Variants in DNM3 observed in about 807,000 individuals in gnomAD.
DNM3 encodes dynamin 3, also known as dynamin-3.
In DNM3, 47 loss-of-function variants were observed where a neutral mutation model predicts 101.6. That is an observed-to-expected ratio of 0.46 (90% CI 0.37 to 0.59). The LOEUF is 0.59. Ranked by LOEUF, DNM3 falls within the 20% of genes least tolerant of loss-of-function variation. The pLI is 0.00. For synonymous variants in DNM3, 385 were observed against 387.9 expected (o/e 0.99, Z 0.09); for missense variants, 849 against 1,085.7 (o/e 0.78, Z 3.06).
At chr1:172,394,793 C>A (rs1266501865) in intron 20 of DNM3, among the ~76,000 whole-genome samples, 1 of 152,142 alleles carries the variant, frequency 6.6e-6, no homozygotes, top group Non-Finnish European at 1.5e-5. Flanking sequence ...TTCCTGCAAC[C>A]AGTCAGTAGC....
At chr1:171,999,190 G>A (rs141773329) in intron 4 of DNM3, among the ~76,000 whole-genome samples, 3 of 152,050 alleles carry the variant, frequency 2.0e-5, no homozygotes, top group African/African-American at 4.8e-5. Flanking sequence ...GGTCCAGTAG[G>A]GGGTGAGGTG....
chr1:172,022,896 A>G (rs1160069948), intron 4 of DNM3, among the ~76,000 whole-genome samples: 1 of 152,142 alleles, frequency 6.6e-6, no homozygotes. Flanking sequence ...TAAAAGAATC[A>G]TATTTTGCTG....
At chr1:172,143,717 A>T (rs185505781) in intron 14 of DNM3, among the ~76,000 whole-genome samples, 90 of 151,132 alleles carry the variant, frequency 6.0e-4, no homozygotes, top group African/African-American at 1.9e-3. Flanking sequence ...TCTTTGATTT[A>T]AAAAAAATGT....
intron 1 of DNM3, among the ~76,000 whole-genome samples, chr1:171,897,266 G>T (rs1406545353): frequency 6.6e-6 from 1 of 152,066 alleles, no homozygotes; most frequent in Non-Finnish European, 1.5e-5. Context: ...TGTCAAATCA[G>T]GTCATAGCAA....
chr1:172,374,050 T>C (rs781403926), intron 17 of DNM3, among the ~76,000 whole-genome samples: 3 of 152,112 alleles, frequency 2.0e-5, no homozygotes, highest in Non-Finnish European at 4.4e-5. Context: ...CTTTGGGACA[T>C]GTACGTGTTG....
chr1:171,863,243 G>T (rs1487330679), intron 1 of DNM3, among the ~76,000 whole-genome samples: 1 of 152,048 alleles, frequency 6.6e-6, no homozygotes, highest in Admixed American at 6.6e-5. Context: ...GAGAAAGTAT[G>T]GTGAGATGGG....
chr1:172,322,444 A>G (rs924032665), intron 16 of DNM3, among the ~76,000 whole-genome samples: 5 of 152,216 alleles, frequency 3.3e-5, no homozygotes, highest in African/African-American at 1.2e-4. Flanking sequence ...CCCGGGAGTA[A>G]TGAATCACCG....
At chr1:172,102,657 A>G (rs2054733577) in intron 13 of DNM3, among the ~76,000 whole-genome samples, 1 of 152,172 alleles carries the variant, frequency 6.6e-6, no homozygotes, top group Non-Finnish European at 1.5e-5. Flanking sequence ...TTGGGACAGT[A>G]GAGGCATGGT....
At chr1:172,097,728 C>T (rs529455562) in intron 13 of DNM3, among the ~76,000 whole-genome samples, 20 of 152,216 alleles carry the variant, frequency 1.3e-4, no homozygotes, top group African/African-American at 2.4e-4. Flanking sequence ...AGTCAGATAT[C>T]GGGCAAAATT....
rs1484051675 is a variant in DNM3, at chr1:172,052,979, C to T, written c.1335+4229C>T. Among the ~76,000 whole-genome samples the T allele has an allele frequency of 2.0e-5, 3 of 152,116 alleles. No individual in the cohort carries two copies. The East Asian group carries it at 5.8e-4, about 29-fold the overall frequency. On this transcript the variant is annotated intron_variant, in intron 10 of 20. Coordinates refer to ENST00000627582, the MANE Select transcript of DNM3 (RefSeq NM_015569.5). ...TTTAAGCCTGAATTATTCCAGTGGC[C>T]CCCTAACTGATCTATTTCTAGCCTG...
intron 6 of DNM3, among the ~76,000 whole-genome samples, chr1:172,036,136 C>G (rs1310644571): frequency 7.0e-6 from 1 of 143,520 alleles, no homozygotes; most frequent in Admixed American, 6.9e-5. Context: ...GGTATATCTC[C>G]TAAAGCTATC....
chr1:172,259,190 C>T (rs924495405), intron 15 of DNM3, among the ~76,000 whole-genome samples: 1 of 151,966 alleles, frequency 6.6e-6, no homozygotes, highest in African/African-American at 2.4e-5. Context: ...TAGACATGTT[C>T]TGTGTGCTGA....
chr1:172,251,376 C>T (rs887824121), intron 14 of DNM3, among the ~76,000 whole-genome samples: 4 of 148,422 alleles, frequency 2.7e-5, no homozygotes, highest in African/African-American at 9.9e-5. Context: ...TTTTTTATTG[C>T]CTAGAGTTGC....
chr1:172,185,071 A>G (rs1170552942), intron 14 of DNM3, among the ~76,000 whole-genome samples: 3 of 152,046 alleles, frequency 2.0e-5, no homozygotes, highest in African/African-American at 7.2e-5. Flanking sequence ...AGCTCCTCTC[A>G]CTCAGTGTTC....
chr1:172,363,256 G>A (rs1171725922), intron 17 of DNM3, among the ~76,000 whole-genome samples: 2 of 151,724 alleles, frequency 1.3e-5, no homozygotes, highest in South Asian at 2.1e-4. Flanking sequence ...TACATTTTCT[G>A]TTGTGGCTTC....
intron 14 of DNM3, among the ~76,000 whole-genome samples, chr1:172,192,313 G>A (rs1047848130): frequency 1.5e-4 from 22 of 151,026 alleles, no homozygotes; most frequent in African/African-American, 5.3e-4. Flanking sequence ...ATTTGCATAT[G>A]TTGAACCAGC....
At chr1:171,883,369 ACAC>A (rs2036465988) in intron 1 of DNM3, among the ~76,000 whole-genome samples, 1 of 17,418 alleles carries the variant, frequency 5.7e-5, no homozygotes, top group South Asian at 2.4e-3. Context: ...AGGACCACAC[ACAC>A]ACACACACAC....
At chr1:171,934,126 A>G (rs938674003) in intron 2 of DNM3, among the ~76,000 whole-genome samples, 14 of 152,180 alleles carry the variant, frequency 9.2e-5, no homozygotes, top group Admixed American at 7.9e-4. Context: ...GTGTTATACT[A>G]TGCATATATT....
At chr1:171,855,462 C>T (rs2033501138) in intron 1 of DNM3, among the ~76,000 whole-genome samples, 2 of 152,224 alleles carry the variant, frequency 1.3e-5, no homozygotes, top group African/African-American at 2.4e-5. Context: ...ATACTCCTTT[C>T]CGCAATGGTT....
Sources: gnomAD v4.1 joint callset for allele counts (sites outside exome capture counted in the v4.1 genomes callset) on GRCh38, gnomAD v4.1.1 for gene constraint, MANE v1.5 for transcripts, NCBI Gene and HGNC (gene_info 2026-07-23, HGNC 2026-07-21) for gene names.